The following SH3BP5 variants were observed in gnomAD, a reference collection of about 807,000 sequenced individuals.
The protein encoded by SH3BP5 is SH3 domain-binding protein 5.
In SH3BP5, 22 loss-of-function variants were observed where a neutral mutation model predicts 43.3. That is an observed-to-expected ratio of 0.51 (90% CI 0.36 to 0.73). The LOEUF is 0.73. SH3BP5 is among the 30% of genes least tolerant of loss of function. The pLI is 0.00. For synonymous variants in SH3BP5, 255 were observed against 225.8 expected (o/e 1.13, Z -1.16); for missense variants, 529 against 586.9 (o/e 0.90, Z 1.02).
At chr3:15,265,016 A>AG (rs1376439797) in intron 4 of SH3BP5, among the ~76,000 whole-genome samples, 1 of 151,990 alleles carries the variant, frequency 6.6e-6, no homozygotes, top group African/African-American at 2.4e-5. Context: ...ATCTGCACAC[A>AG]GGCCCTCATT....
Position 15,329,173 on chromosome 3 carries a change from A to C in SH3BP5, c.201+1331T>G, listed in dbSNP as rs377700012. Among the ~76,000 whole-genome samples, 127 of 152,238 alleles carry C rather than the reference A, an allele frequency of 8.3e-4. 3 individuals are homozygous for C. In the South Asian group the frequency reaches 0.021, roughly 26 times the overall value. On this transcript the variant is annotated intron_variant, in intron 2 of 8. Coordinates refer to ENST00000383791, the MANE Select transcript of SH3BP5 (RefSeq NM_004844.5). The stretch of plus-strand genomic sequence containing the variant: ...TCAAAAAAAAAAAAATTTTAATTAA[A>C]TTCAAATAGCCATACGTTGCACATG...
At chr3:15,312,630 T>C (rs1698087165) in intron 2 of SH3BP5, among the ~76,000 whole-genome samples, 1 of 152,208 alleles carries the variant, frequency 6.6e-6, no homozygotes, top group Non-Finnish European at 1.5e-5. Flanking sequence ...CTTTTTTAAA[T>C]GCTTCTGATT....
intron 1 of SH3BP5, among the ~76,000 whole-genome samples, chr3:15,340,186 TTAAA>T (rs752084099): frequency 9.2e-4 from 140 of 152,230 alleles, no homozygotes; most frequent in African/African-American, 3.3e-3. Flanking sequence ...AAAAGGCCAC[TTAAA>T]TAAATCCACT....
At chr3:15,279,660 C>A (rs1263508202) in intron 3 of SH3BP5, among the ~76,000 whole-genome samples, 1 of 152,126 alleles carries the variant, frequency 6.6e-6, no homozygotes, top group Non-Finnish European at 1.5e-5. Flanking sequence ...TCCAAGGTTC[C>A]ATTACACTGT....
chr3:15,303,583 C>G (rs1697812513), intron 3 of SH3BP5, among the ~76,000 whole-genome samples: 1 of 152,034 alleles, frequency 6.6e-6, no homozygotes, highest in South Asian at 2.1e-4. Flanking sequence ...TTCACTGCTT[C>G]TTATTTGGGC....
At chr3:15,319,695 T>C (rs528680091) in intron 2 of SH3BP5, among the ~76,000 whole-genome samples, 3 of 152,252 alleles carry the variant, frequency 2.0e-5, no homozygotes, top group Admixed American at 6.5e-5. Flanking sequence ...AGTACCACAC[T>C]AGAAAGGTCA....
chr3:15,289,525 C>T (rs887805044), intron 3 of SH3BP5, among the ~76,000 whole-genome samples: 4 of 152,176 alleles, frequency 2.6e-5, no homozygotes, highest in East Asian at 1.9e-4. Flanking sequence ...GCACTAATTC[C>T]GGACTGCCTA....
intron 3 of SH3BP5, among the ~76,000 whole-genome samples, chr3:15,278,942 G>C (rs905373182): frequency 3.3e-5 from 5 of 152,154 alleles, no homozygotes; most frequent in Non-Finnish European, 7.4e-5. Flanking sequence ...GGCTGAGGCG[G>C]GCAGATCACC....
intron 2 of SH3BP5, among the ~76,000 whole-genome samples, chr3:15,320,112 T>C (rs1220356966): frequency 6.6e-6 from 1 of 152,172 alleles, no homozygotes; most frequent in Admixed American, 6.5e-5. Context: ...CTTTGCATGC[T>C]GGAAACAAAA....
chr3:15,256,458 AC>A, intron 8 of SH3BP5, 155 bp from the exon 9 acceptor site: 1 of 744,354 alleles, frequency 1.3e-6, no homozygotes, highest in Non-Finnish European at 2.3e-6. Context: ...TCCCACTGTT[AC>A]CTACCGTGCC....
rs770981630 is a variant in SH3BP5, at chr3:15,254,629, T to TATC, written c.*1454_*1456dup. On this transcript the variant is annotated 3_prime_UTR_variant, in exon 9 of 9. Transcript: ENST00000383791. ...TCCTCCAGCGTCACCACCTCGTCTT[T>TATC]ATCTGCCACTGTGTCTCCTCATTGC... The TATC allele has an allele frequency of 6.6e-6, 1 of 152,270 alleles. No homozygotes were observed. The highest frequency in any genetic ancestry group is 2.4e-5 in the African/African-American group (1 of 41,446). 9.4% of individuals were successfully genotyped at this position (152,270 alleles called of 1,614,324 possible).
chr3:15,319,106 T>C lies in SH3BP5; in HGVS notation c.201+11398A>G, dbSNP rs537070931. Reference sequence around the variant, plus strand: ...TTACAAAGCAACAGTCTAATTATTGTAGTACCTCTGGCTCTAGGCTCCACT... The same window carrying C: ...TTACAAAGCAACAGTCTAATTATTGCAGTACCTCTGGCTCTAGGCTCCACT... On this transcript the variant is annotated intron_variant, in intron 2 of 8. Coordinates refer to ENST00000383791, the MANE Select transcript of SH3BP5 (RefSeq NM_004844.5). Among the ~76,000 whole-genome samples, 18 of 152,346 alleles carry C rather than the reference T, an allele frequency of 1.2e-4. No individual in the cohort carries two copies. In the East Asian group the frequency reaches 3.5e-3, roughly 29 times the overall value.
intron 2 of SH3BP5, among the ~76,000 whole-genome samples, chr3:15,316,360 G>A (rs540552610): frequency 1.3e-5 from 2 of 151,912 alleles, no homozygotes; most frequent in East Asian, 3.9e-4. Flanking sequence ...GAGTAGCTGG[G>A]ATTACAGGTG....
chr3:15,276,922 G>C (rs971125894), intron 3 of SH3BP5, among the ~76,000 whole-genome samples: 3 of 151,850 alleles, frequency 2.0e-5, no homozygotes, highest in Non-Finnish European at 4.4e-5. Context: ...AAAATAACCC[G>C]ACAGGCCTAA....
intron 3 of SH3BP5, among the ~76,000 whole-genome samples, chr3:15,276,677 A>G (rs1034946989): frequency 1.3e-5 from 2 of 152,196 alleles, no homozygotes; most frequent in Non-Finnish European, 2.9e-5. Flanking sequence ...GCCCAAAGTC[A>G]TACTCTAGCA....
intron 2 of SH3BP5, among the ~76,000 whole-genome samples, chr3:15,313,068 AC>A (rs1387311012): frequency 1.3e-5 from 2 of 152,132 alleles, no homozygotes; most frequent in East Asian, 3.8e-4. Context: ...ACATGGTGAA[AC>A]CCAGTCTCTA....
At chr3:15,269,552 G>A (rs558461301) in intron 4 of SH3BP5, among the ~76,000 whole-genome samples, 161 bp downstream of exon 4, 5 of 152,362 alleles carry the variant, frequency 3.3e-5, no homozygotes, top group East Asian at 3.9e-4. Flanking sequence ...CACTGGCTTC[G>A]TACCAAGCGC....
chr3:15,325,191 G>A (rs1698429944), intron 2 of SH3BP5, among the ~76,000 whole-genome samples: 1 of 152,140 alleles, frequency 6.6e-6, no homozygotes, highest in African/African-American at 2.4e-5. Context: ...AATTCTCAGT[G>A]TGGCTTCTGT....
Position 15,291,607 on chromosome 3 carries a change from T to C in SH3BP5, c.330+12496A>G, listed in dbSNP as rs138395092. Among the ~76,000 whole-genome samples, 15 of 152,300 alleles carry C rather than the reference T, an allele frequency of 9.8e-5. 1 individual carries two copies. The highest frequency in any genetic ancestry group is 3.6e-4 in the African/African-American group (15 of 41,578). ...ACAAGGACATCCCACTGGGTAGAAATGAAAAGTCTACCTACAGCCTGCACT... is the reference window on the plus strand; with the variant it reads ...ACAAGGACATCCCACTGGGTAGAAACGAAAAGTCTACCTACAGCCTGCACT... On this transcript the variant is annotated intron_variant, in intron 3 of 8. Transcript: ENST00000383791.
Sources: gnomAD v4.1 joint callset for allele counts (sites outside exome capture counted in the v4.1 genomes callset) on GRCh38, gnomAD v4.1.1 for gene constraint, MANE v1.5 for transcripts, NCBI Gene and HGNC (gene_info 2026-07-23, HGNC 2026-07-21) for gene names.